PTPRD: variants seen among roughly 807,000 people sequenced by gnomAD.
PTPRD encodes protein tyrosine phosphatase receptor type D, also known as receptor-type tyrosine-protein phosphatase delta.
PTPRD carries 34 observed loss-of-function variants against 214.5 expected under a neutral mutation model. That is an observed-to-expected ratio of 0.16 (90% CI 0.12 to 0.21). PTPRD has a LOEUF of 0.21. Ranked by LOEUF, PTPRD falls within the 10% of genes least tolerant of loss-of-function variation. The pLI, the probability that PTPRD is intolerant of heterozygous loss-of-function variation, is 1.00. For synonymous variants in PTPRD, 1,128 were observed against 845.7 expected (o/e 1.33, Z -5.79); for missense variants, 2,545 against 2,398.7 (o/e 1.06, Z -1.27).
chr9:9,499,746 A>G (rs2096339151), intron 8 of PTPRD, among the ~76,000 whole-genome samples: 1 of 152,068 alleles, frequency 6.6e-6, no homozygotes, highest in African/African-American at 2.4e-5. Flanking sequence ...ACAAGCATGG[A>G]TAGTGTTAAT....
intron 8 of PTPRD, among the ~76,000 whole-genome samples, chr9:9,470,889 A>G (rs2094541288): frequency 6.6e-6 from 1 of 152,222 alleles, no homozygotes; most frequent in Non-Finnish European, 1.5e-5. Flanking sequence ...CAGATTTAAC[A>G]TGAATAGGCT....
chr9:9,977,526 T>C (rs2095400898), intron 4 of PTPRD, among the ~76,000 whole-genome samples: 1 of 152,134 alleles, frequency 6.6e-6, no homozygotes, highest in African/African-American at 2.4e-5. Context: ...ACATTAACAC[T>C]ATGAAACAAG....
At chr9:9,084,662 T>C (rs1040179700) in intron 10 of PTPRD, among the ~76,000 whole-genome samples, 1 of 152,052 alleles carries the variant, frequency 6.6e-6, no homozygotes, top group African/African-American at 2.4e-5. Context: ...AGAGGTAATG[T>C]ACTGGCCTCT....
At chr9:9,814,260 C>G (rs1162271900) in intron 5 of PTPRD, among the ~76,000 whole-genome samples, 1 of 150,622 alleles carries the variant, frequency 6.6e-6, no homozygotes, top group African/African-American at 2.5e-5. Context: ...TCTCTTACCA[C>G]TTCTATTCGA....
intron 5 of PTPRD, among the ~76,000 whole-genome samples, chr9:9,843,260 A>T (rs1021382506): frequency 3.3e-5 from 5 of 152,046 alleles, no homozygotes; most frequent in Admixed American, 2.6e-4. Flanking sequence ...GGAAATCATA[A>T]TATCGCTTAG....
At chr9:9,872,646 G>C (rs899887308) in intron 5 of PTPRD, among the ~76,000 whole-genome samples, 1 of 152,010 alleles carries the variant, frequency 6.6e-6, no homozygotes, top group African/African-American at 2.4e-5. Flanking sequence ...TTTACAAGGA[G>C]ATAGAATTAC....
intron 10 of PTPRD, among the ~76,000 whole-genome samples, chr9:9,127,433 T>C (rs141363616): frequency 3.9e-5 from 6 of 152,278 alleles, no homozygotes; most frequent in Non-Finnish European, 8.8e-5. Context: ...TGAATTGATA[T>C]AAAATATACT....
chr9:9,205,167 T>C (rs2132485584), intron 9 of PTPRD, among the ~76,000 whole-genome samples: 1 of 152,350 alleles, frequency 6.6e-6, no homozygotes, highest in Admixed American at 6.5e-5. Context: ...TTGAATCTTT[T>C]CTTAACTAAG....
intron 11 of PTPRD, among the ~76,000 whole-genome samples, chr9:8,916,064 T>C (rs1020646031): frequency 6.6e-6 from 1 of 152,140 alleles, no homozygotes; most frequent in Non-Finnish European, 1.5e-5. Context: ...GCCCAAGGTT[T>C]TATATCAAAG....
intron 3 of PTPRD, among the ~76,000 whole-genome samples, chr9:10,277,877 G>A (rs770580354): frequency 8.5e-5 from 13 of 152,164 alleles, no homozygotes; most frequent in Non-Finnish European, 1.5e-4. Flanking sequence ...AGTGCTTTGA[G>A]GCCGGGCTCG....
chr9:10,374,121 G>T (rs1166700640), intron 2 of PTPRD, among the ~76,000 whole-genome samples: 1 of 152,010 alleles, frequency 6.6e-6, no homozygotes, highest in Non-Finnish European at 1.5e-5. Flanking sequence ...CCTTAGGAAA[G>T]CCCTTTTGAG....
chr9:9,259,361 G>A (rs1182110925), intron 9 of PTPRD, among the ~76,000 whole-genome samples: 1 of 151,820 alleles, frequency 6.6e-6, no homozygotes, highest in Non-Finnish European at 1.5e-5. Flanking sequence ...AACTATGGCT[G>A]GAAGGTAATT....
chr9:9,370,019 T>C (rs962629981), intron 9 of PTPRD, among the ~76,000 whole-genome samples: 6 of 152,162 alleles, frequency 3.9e-5, no homozygotes, highest in Non-Finnish European at 8.8e-5. Flanking sequence ...TGTAGCCTTG[T>C]AGTATAGTTT....
Position 10,065,180 on chromosome 9 carries a change from A to AAAGAAAGGAAGG in PTPRD, c.-544-31391_-544-31390insCCTTCCTTTCTT, listed in dbSNP as rs1555538044. On this transcript the variant is annotated intron_variant, in intron 3 of 45. Coordinates refer to ENST00000381196, the MANE Select transcript of PTPRD (RefSeq NM_002839.4). ...GAAAGAAAGAAAGAAAGAAAGAAAGAAAGAAAGAAAGAAAAGGATGCTTTG... is the reference window on the plus strand; with the variant it reads ...GAAAGAAAGAAAGAAAGAAAGAAAGAAAGAAAGGAAGGAAGAAAGAAAGAAAAGGATGCTTTG... Among the ~76,000 whole-genome samples, 14 of 150,316 alleles carry AAAGAAAGGAAGG rather than the reference A, an allele frequency of 9.3e-5. 1 individual carries two copies. The highest frequency in any genetic ancestry group is 1.8e-4 in the Non-Finnish European group (12 of 67,366).
chr9:8,649,853 T>A (rs2096770259), intron 12 of PTPRD, among the ~76,000 whole-genome samples: 1 of 152,202 alleles, frequency 6.6e-6, no homozygotes, highest in Non-Finnish European at 1.5e-5. Flanking sequence ...GCTTAAATAT[T>A]TGGCTATTTA....
rs2138870022 is a variant in PTPRD, at chr9:8,521,363, T to C, written c.875A>G (p.Asn292Ser). The change falls in exon 20 of 46, where the codon AAT becomes AGT. Residue 292 changes from asparagine to serine, a missense_variant. Physicochemically the swap from Asn to Ser is conservative, Grantham distance 46 (BLOSUM62 1). Transcript: ENST00000381196. ...GTAATTTGCTGACTGTCTTACATCA[T>C]TCAGTTCTAGCACATTTCTTCCTAT... The part of the protein sequence containing the change: ...MPIGRNVLEL[N>S]DVRQSANYTC... 2 of 1,613,992 alleles carry C rather than the reference T, an allele frequency of 1.2e-6. No homozygotes were observed. Among genetic ancestry groups the C allele is most frequent in the Non-Finnish European group, 1.7e-6 (2 of 1,179,910 alleles).
chr9:10,199,122 A>G (rs186318762), intron 3 of PTPRD, among the ~76,000 whole-genome samples: 25 of 151,598 alleles, frequency 1.6e-4, no homozygotes, highest in Admixed American at 1.4e-3. Flanking sequence ...ACATTCTGGC[A>G]CTTCTTAGGA....
At chr9:8,894,458 T>C (rs142876448) in intron 11 of PTPRD, among the ~76,000 whole-genome samples, 477 of 150,646 alleles carry the variant, frequency 3.2e-3, no homozygotes, top group Non-Finnish European at 4.5e-3. Context: ...CAAATACATA[T>C]TGCATGATTT....
intron 14 of PTPRD, among the ~76,000 whole-genome samples, chr9:8,589,008 A>G (rs2093892719): frequency 6.6e-6 from 1 of 152,192 alleles, no homozygotes; most frequent in African/African-American, 2.4e-5. Flanking sequence ...ATAATGTGAA[A>G]TCCCTATAGA....
Sources: allele counts gnomAD v4.1 joint callset (sites outside exome capture counted in the v4.1 genomes callset), GRCh38; gene constraint gnomAD v4.1.1; transcripts MANE v1.5; gene names NCBI Gene and HGNC (gene_info 2026-07-23, HGNC 2026-07-21).